Variants in MIA2 observed in about 807,000 individuals in gnomAD.
MIA2 encodes melanoma inhibitory activity protein 2.
MIA2 carries 127 observed loss-of-function variants against 167.8 expected under a neutral mutation model. The observed-to-expected ratio is 0.76, with a 90% confidence interval of 0.66 to 0.88. MIA2 has a LOEUF of 0.88. MIA2 is among the 40% of genes least tolerant of loss of function. The pLI, the probability that MIA2 is intolerant of heterozygous loss-of-function variation, is 0.00. For missense variants in MIA2, 1,690 were observed against 1,624.7 expected (o/e 1.04, Z -0.69); for synonymous variants, 552 against 541.9 (o/e 1.02, Z -0.26).
chr14:39,385,127 AAAG>A (rs1349830257), intron 23 of MIA2, among the ~76,000 whole-genome samples: 4 of 152,218 alleles, frequency 2.6e-5, no homozygotes, highest in East Asian at 1.9e-4. Context: ...ACATCTAAAA[AAAG>A]AAGAAACCAT....
intron 14 of MIA2, among the ~76,000 whole-genome samples, chr14:39,300,582 A>C (rs950055140): frequency 2.0e-5 from 3 of 148,946 alleles, no homozygotes; most frequent in African/African-American, 7.4e-5. Flanking sequence ...TCATATTGAA[A>C]GTGATGCTCT....
Position 39,315,298 on chromosome 14 carries a change from C to T in MIA2, c.3181-385C>T, listed in dbSNP as rs147831499. On this transcript the variant is annotated intron_variant, in intron 20 of 28. Transcript: ENST00000640607. The stretch of plus-strand genomic sequence containing the variant: ...CAGCCTGGGTGACAGAGTGAGACTC[C>T]GTCTCAAAAAAAAAAAAAAATAAAA... 5.5e-3 allele frequency: 762 copies of T among 139,612 alleles called. 7 individuals carry two copies. The highest frequency in any genetic ancestry group is 0.022 in the African/African-American group (705 of 32,368). The allele number at this position is 139,612 out of a possible 1,614,324, so 8.6% of individuals were successfully genotyped here. A position where few individuals can be genotyped will look rare whatever the true frequency, so the allele number is the denominator to read the frequency against.
intron 24 of MIA2, among the ~76,000 whole-genome samples, chr14:39,325,695 T>C (rs554320307): frequency 1.3e-5 from 2 of 150,180 alleles, no homozygotes; most frequent in Admixed American, 1.3e-4. Context: ...TCTTTTCCAT[T>C]TTAGTTGAAT....
intron 25 of MIA2, 129 bp downstream of exon 25, chr14:39,327,151 A>G (rs1595664592): frequency 3.3e-6 from 2 of 603,344 alleles, no homozygotes; most frequent in South Asian, 1.3e-4. Flanking sequence ...TTTTGAAAAC[A>G]ACAATGATAA....
chr14:39,283,817 C>T (rs1364560939), intron 9 of MIA2, among the ~76,000 whole-genome samples: 1 of 152,282 alleles, frequency 6.6e-6, no homozygotes, highest in South Asian at 2.1e-4. Context: ...AGAGAAATAT[C>T]TATTTAAGTC....
At chr14:39,276,374 A>G (rs1026354576) in intron 6 of MIA2, 1 of 152,552 alleles carries the variant, frequency 6.6e-6, no homozygotes, top group Non-Finnish European at 1.5e-5. Context: ...AAACAGCATT[A>G]TTCTCATTAC....
chr14:39,294,754 G>T (rs1342105930), intron 12 of MIA2, among the ~76,000 whole-genome samples, 171 bp from the exon 13 acceptor site: 1 of 152,146 alleles, frequency 6.6e-6, no homozygotes, highest in African/African-American at 2.4e-5. Flanking sequence ...GGAAAGGCAG[G>T]ACTAGACCTG....
intron 23 of MIA2, among the ~76,000 whole-genome samples, chr14:39,361,087 G>T (rs1375345983): frequency 1.3e-5 from 2 of 152,086 alleles, no homozygotes; most frequent in African/African-American, 4.8e-5. Flanking sequence ...ATAATGTGAT[G>T]CCCCCACCTT....
chr14:39,364,739 G>GT, intron 23 of MIA2, among the ~76,000 whole-genome samples: 1 of 151,240 alleles, frequency 6.6e-6, no homozygotes, highest in Non-Finnish European at 1.5e-5. Context: ...TTTTTGTTTT[G>GT]TTTTGTTTTG....
intron 14 of MIA2, among the ~76,000 whole-genome samples, chr14:39,301,013 TATATAC>T (rs1430879439): frequency 1.4e-5 from 2 of 147,568 alleles, no homozygotes; most frequent in Non-Finnish European, 3.0e-5. Context: ...TATATACACA[TATATAC>T]ACACATATAT....
At chr14:39,277,689 TGTG>T (rs1566682917) in intron 7 of MIA2, among the ~76,000 whole-genome samples, 63 of 34,684 alleles carry the variant, frequency 1.8e-3, no homozygotes, top group African/African-American at 3.5e-3. Flanking sequence ...TATATATATG[TGTG>T]TATATATATA....
chr14:39,373,687 G>A (rs2074994169), intron 23 of MIA2, among the ~76,000 whole-genome samples: 1 of 152,166 alleles, frequency 6.6e-6, no homozygotes, highest in South Asian at 2.1e-4. Context: ...TGGGCATGGT[G>A]GTGTGCACCT....
At chr14:39,348,523 G>A (rs1302658709) in intron 27 of MIA2, among the ~76,000 whole-genome samples, 1 of 151,954 alleles carries the variant, frequency 6.6e-6, no homozygotes, top group African/African-American at 2.4e-5. Flanking sequence ...TTACTTTGTT[G>A]GTTAAAGCTG....
chr14:39,340,324 G>T (rs1015113993), intron 25 of MIA2, among the ~76,000 whole-genome samples: 2 of 152,220 alleles, frequency 1.3e-5, no homozygotes, highest in African/African-American at 4.8e-5. Flanking sequence ...TGAGTTAAGT[G>T]TGGTTGCTAG....
At chr14:39,306,702 C>A (rs889952766) in intron 17 of MIA2, among the ~76,000 whole-genome samples, 10 of 152,234 alleles carry the variant, frequency 6.6e-5, no homozygotes, top group African/African-American at 2.2e-4. Context: ...AATACTGTTT[C>A]CAAAACTTCC....
chr14:39,243,639 G>A (rs557981254), intron 3 of MIA2, among the ~76,000 whole-genome samples: 1 of 152,364 alleles, frequency 6.6e-6, no homozygotes, highest in African/African-American at 2.4e-5. Flanking sequence ...GCCAAGGCAG[G>A]TGGATCATCT....
At chr14:39,294,180 C>A in intron 12 of MIA2, 109 bp downstream of exon 12, 3 of 715,802 alleles carry the variant, frequency 4.2e-6, no homozygotes, top group Admixed American at 2.9e-5. Flanking sequence ...ATAGGGGATC[C>A]CAGATATGTA....
At chr14:39,261,680 T>C (rs2055124331) in intron 6 of MIA2, among the ~76,000 whole-genome samples, 1 of 152,180 alleles carries the variant, frequency 6.6e-6, no homozygotes, top group Non-Finnish European at 1.5e-5. Context: ...ATGATCACCA[T>C]TTTAACTGGT....
In MIA2 at chr14:39,303,623, C is replaced by A. The variant is rs1033645178; in HGVS notation, c.2787+99C>A. Reference sequence around the variant, plus strand: ...GTTTAAAAAGTCCATTTTATTGTTCCCATATAAATATATTTACAAATTATC... The same window carrying A: ...GTTTAAAAAGTCCATTTTATTGTTCACATATAAATATATTTACAAATTATC... On this transcript the variant is annotated intron_variant, in intron 16 of 28. Transcript: ENST00000640607. 17 of 748,714 alleles carry A rather than the reference C, an allele frequency of 2.3e-5. No homozygotes were observed. In the African/African-American group the frequency reaches 2.4e-4, roughly 11 times the overall value. The allele number at this position is 748,714 out of a possible 1,614,324, so 46.4% of individuals were successfully genotyped here. A position where few individuals can be genotyped will look rare whatever the true frequency, so the allele number is the denominator to read the frequency against.
Sources: allele counts gnomAD v4.1 joint callset (sites outside exome capture counted in the v4.1 genomes callset), GRCh38; gene constraint gnomAD v4.1.1; transcripts MANE v1.5; gene names NCBI Gene and HGNC (gene_info 2026-07-23, HGNC 2026-07-21).